The following MDGA2 variants were observed in gnomAD, a reference collection of about 807,000 sequenced individuals.
The protein encoded by MDGA2 is MAM domain containing glycosylphosphatidylinositol anchor 2.
A neutral mutation model predicts 117.8 loss-of-function variants in MDGA2; 40 were observed. That is an observed-to-expected ratio of 0.34 (90% CI 0.26 to 0.44). The LOEUF is 0.44. Ranked by LOEUF, MDGA2 falls within the 20% of genes least tolerant of loss-of-function variation. The pLI, the probability that MDGA2 is intolerant of heterozygous loss-of-function variation, is 1.00. For missense variants in MDGA2, 1,123 were observed against 1,250.6 expected, an observed-to-expected ratio of 0.90 and a Z score of 1.54; for synonymous variants, 452 against 439.0, an observed-to-expected ratio of 1.03 and a Z score of -0.37.
intron 1 of MDGA2, among the ~76,000 whole-genome samples, chr14:47,366,884 T>C (rs1026808341): frequency 1.1e-5 from 1 of 89,730 alleles, no homozygotes. Context: ...AAGTTAGATA[T>C]AATGAAATTA....
At chr14:47,500,001 T>C (rs115814178) in intron 1 of MDGA2, among the ~76,000 whole-genome samples, 2,257 of 152,190 alleles carry the variant, frequency 0.015, 52 homozygotes, top group African/African-American at 0.051. Context: ...ATACTAAAAG[T>C]GTTTAAAGCG....
At chr14:47,451,917 G>A (rs1893249101) in intron 1 of MDGA2, among the ~76,000 whole-genome samples, 1 of 152,118 alleles carries the variant, frequency 6.6e-6, no homozygotes, top group South Asian at 2.1e-4. Flanking sequence ...TGAATAGTCA[G>A]AAAGTATATC....
At chr14:47,318,939 A>G (rs1393165365) in intron 1 of MDGA2, among the ~76,000 whole-genome samples, 1 of 152,208 alleles carries the variant, frequency 6.6e-6, no homozygotes, top group African/African-American at 2.4e-5. Flanking sequence ...ACTGATTGTC[A>G]CTTGATCAAA....
At chr14:47,389,865 T>C (rs17742627) in intron 1 of MDGA2, among the ~76,000 whole-genome samples, 16,788 of 152,222 alleles carry the variant, frequency 0.11, 1,144 homozygotes, top group Non-Finnish European at 0.13. Context: ...ATTTTAAGCA[T>C]AGAGCCAAAG....
chr14:46,861,837 T>A (rs920857599), intron 14 of MDGA2, among the ~76,000 whole-genome samples: 16 of 152,098 alleles, frequency 1.1e-4, no homozygotes, highest in African/African-American at 3.8e-4. Flanking sequence ...CTTAAGTTTA[T>A]AAAAGAGAAA....
intron 1 of MDGA2, among the ~76,000 whole-genome samples, chr14:47,524,252 G>A (rs1027844929): frequency 1.6e-4 from 12 of 73,014 alleles, no homozygotes; most frequent in Non-Finnish European, 2.6e-4. Flanking sequence ...AATGTTTGGG[G>A]CAGGAAATAA....
At chr14:47,573,471 T>C (rs1896058861) in intron 1 of MDGA2, among the ~76,000 whole-genome samples, 2 of 152,206 alleles carry the variant, frequency 1.3e-5, no homozygotes, top group Non-Finnish European at 2.9e-5. Flanking sequence ...AGCACGTTTT[T>C]TCACAAACCC....
intron 4 of MDGA2, among the ~76,000 whole-genome samples, chr14:47,141,892 T>C (rs954872596): frequency 1.4e-4 from 21 of 152,172 alleles, no homozygotes; most frequent in African/African-American, 4.6e-4. Flanking sequence ...CATGAAGAAA[T>C]GATAAATGTA....
chr14:47,335,734 T>TATATATATATATATATATATATACATA (rs1555374518), intron 1 of MDGA2, among the ~76,000 whole-genome samples: 1 of 48,040 alleles, frequency 2.1e-5, no homozygotes, highest in African/African-American at 7.4e-5. Flanking sequence ...CACATATATT[T>TATATATATATATATATATATATACATA]TATATATATA....
At chr14:47,627,654 C>A (rs1594951263) in intron 1 of MDGA2, among the ~76,000 whole-genome samples, 1 of 152,156 alleles carries the variant, frequency 6.6e-6, no homozygotes, top group Non-Finnish European at 1.5e-5. Context: ...GTAAAATGGA[C>A]CAATCAGCAG....
intron 9 of MDGA2, among the ~76,000 whole-genome samples, chr14:46,922,854 A>T (rs371561477): frequency 1.1e-3 from 166 of 152,332 alleles, no homozygotes; most frequent in African/African-American, 3.8e-3. Flanking sequence ...CTGGGGCAAG[A>T]CTGAGAGACA....
intron 3 of MDGA2, among the ~76,000 whole-genome samples, chr14:47,153,212 G>A (rs991788420): frequency 2.0e-5 from 3 of 152,202 alleles, no homozygotes; most frequent in African/African-American, 7.2e-5. Context: ...GGCAAAAAGA[G>A]TGGTAAGGAG....
At chr14:47,586,329 G>A (rs567263724) in intron 1 of MDGA2, among the ~76,000 whole-genome samples, 1 of 151,826 alleles carries the variant, frequency 6.6e-6, no homozygotes, top group African/African-American at 2.4e-5. Context: ...CATTCTGATT[G>A]TTCTGTAATG....
chr14:47,153,052 G>C (rs1447044446), intron 3 of MDGA2, among the ~76,000 whole-genome samples: 2 of 152,174 alleles, frequency 1.3e-5, no homozygotes, highest in South Asian at 2.1e-4. Context: ...TTGAGGAATA[G>C]TAATTTGGTA....
Position 47,565,781 on chromosome 14 carries a change from A to T in MDGA2, c.280+108736T>A, listed in dbSNP as rs983090011. 2.6e-5 allele frequency among the ~76,000 whole-genome samples: 4 copies of T among 152,186 alleles called. No homozygotes were observed. In the South Asian group the frequency reaches 8.3e-4, roughly 31 times the overall value. On this transcript the variant is annotated intron_variant, in intron 1 of 16. Transcript: ENST00000399232. ...GGTCCATGTGCACACATTCATACCC[A>T]TGGCCGTGCTGGCATGGGGACAGGG...
chr14:46,880,052 G>A (rs985228076), intron 11 of MDGA2, among the ~76,000 whole-genome samples: 4 of 152,114 alleles, frequency 2.6e-5, no homozygotes, highest in African/African-American at 9.7e-5. Context: ...GTTTGGCCGG[G>A]TGCTGTGGCT....
Position 47,430,824 on chromosome 14 carries a change from C to T in MDGA2, c.281-129274G>A, listed in dbSNP as rs531530569. Among the ~76,000 whole-genome samples the T allele has an allele frequency of 2.0e-5, 3 of 152,146 alleles. No homozygotes were observed. In the East Asian group the frequency reaches 5.8e-4, roughly 29 times the overall value. On this transcript the variant is annotated intron_variant, in intron 1 of 16. Coordinates refer to ENST00000399232, the MANE Select transcript of MDGA2 (RefSeq NM_001113498.3). ...TATAAGAATTATCTAAATTCAAATACTGGTGCCACCAGTCTAGCTGTTTGA... is the reference window on the plus strand; with the variant it reads ...TATAAGAATTATCTAAATTCAAATATTGGTGCCACCAGTCTAGCTGTTTGA...
intron 1 of MDGA2, among the ~76,000 whole-genome samples, chr14:47,464,937 C>T (rs1323333379): frequency 2.6e-5 from 4 of 151,996 alleles, no homozygotes; most frequent in Admixed American, 6.6e-5. Flanking sequence ...CATCACATTA[C>T]CAAACTTCAA....
chr14:47,390,452 G>A (rs913819254), intron 1 of MDGA2, among the ~76,000 whole-genome samples: 2 of 152,072 alleles, frequency 1.3e-5, no homozygotes, highest in Non-Finnish European at 2.9e-5. Context: ...AGATACTATC[G>A]TTTTTCCTTT....
Sources: gnomAD v4.1 joint callset for allele counts (sites outside exome capture counted in the v4.1 genomes callset) on GRCh38, gnomAD v4.1.1 for gene constraint, MANE v1.5 for transcripts, NCBI Gene and HGNC (gene_info 2026-07-23, HGNC 2026-07-21) for gene names.